Variants in IRAG2 observed in about 807,000 individuals in gnomAD.
IRAG2 encodes the protein lymphoid restricted membrane protein.
A neutral mutation model predicts 69.9 loss-of-function variants in IRAG2; 45 were observed. The observed-to-expected ratio is 0.64, with a 90% CI of 0.51 to 0.83. The LOEUF (loss-of-function observed/expected upper bound fraction) is 0.83. Among genes scored for constraint, IRAG2 ranks in the 40% least tolerant of loss-of-function variants. The probability of loss-of-function intolerance (pLI) is 0.00; values close to 1 mark genes in which losing one functional copy is unlikely to be tolerated. For missense variants in IRAG2, 520 were observed against 587.0 expected (o/e 0.89, Z 1.18); for synonymous variants, 193 against 202.4 (o/e 0.95, Z 0.40).
intron 6 of IRAG2, among the ~76,000 whole-genome samples, chr12:25,074,858 G>A (rs892994734): frequency 3.9e-5 from 6 of 152,098 alleles, no homozygotes; most frequent in African/African-American, 7.2e-5. Flanking sequence ...ACTGGGAGGC[G>A]GTGATTTATT....
chr12:25,037,953 G>T, intron 15 of IRAG2: 1 of 398,708 alleles, frequency 2.5e-6, no homozygotes, highest in Middle Eastern at 6.3e-4. Flanking sequence ...ACTGGGGTTT[G>T]TTTTGTGACT....
At chr12:25,013,128 A>G (rs942637707) in intron 3 of IRAG2, among the ~76,000 whole-genome samples, 2 of 152,190 alleles carry the variant, frequency 1.3e-5, no homozygotes, top group Non-Finnish European at 2.9e-5. Flanking sequence ...GTAGTAGTGC[A>G]AGTTAGCATA....
rs147316104 is a variant in IRAG2 at position 25,079,674 on chromosome 12, T to C, written c.155T>C (p.Leu52Pro). Residue 52 changes from leucine (L) to proline (P), a missense_variant, in exon 9 of 22, where the codon CTG (leucine) becomes CCG (proline). Leu to Pro is a moderately conservative substitution (Grantham distance 98). Transcript: ENST00000556887. Reference protein sequence around the residue: ...ITSSDPGLEILNMASCDLDRN... With the variant: ...ITSSDPGLEIPNMASCDLDRN... Reference sequence around the variant, plus strand: ...TTGACAGATCCTGGATTAGAAATTCTGAATATGGCTTCTTGTGACCTTGAC... The same window carrying C: ...TTGACAGATCCTGGATTAGAAATTCCGAATATGGCTTCTTGTGACCTTGAC... 3.7e-6 allele frequency: 6 copies of C among 1,612,752 alleles called. No homozygotes were observed. The highest frequency in any genetic ancestry group is 1.3e-5 in the African/African-American group (1 of 74,900).
At chr12:25,072,542 C>T (rs1001887546) in intron 6 of IRAG2, among the ~76,000 whole-genome samples, 23 of 152,254 alleles carry the variant, frequency 1.5e-4, no homozygotes, top group Middle Eastern at 3.4e-3. Flanking sequence ...CCTTAGAAAA[C>T]GCTTTTCTAA....
chr12:25,027,951 G>A (rs1287596381), intron 9 of IRAG2, among the ~76,000 whole-genome samples: 6 of 151,646 alleles, frequency 4.0e-5, no homozygotes, highest in African/African-American at 1.2e-4. Context: ...TTGAAACAGA[G>A]TTTTGCTCTT....
In IRAG2 at chr12:25,108,078, A is replaced by G; in HGVS notation, c.*18A>G. 6.2e-7 allele frequency: 1 copy of G among 1,605,404 alleles called. No individual in the cohort carries two copies. Among genetic ancestry groups the G allele is most frequent in the Non-Finnish European group, 8.5e-7 (1 of 1,173,930 alleles). On this transcript the variant is annotated 3_prime_UTR_variant, in exon 22 of 22. Transcript: ENST00000556887. ...CAGTGTGACAGCAGGACATCCTAAT[A>G]TATGGATCTTGATTTTTAAGTTTCA...
chr12:25,053,371 T>C (rs1261622105), intron 1 of IRAG2, among the ~76,000 whole-genome samples: 1 of 151,974 alleles, frequency 6.6e-6, no homozygotes, highest in African/African-American at 2.4e-5. Context: ...GCTCGTCTAT[T>C]TTCTTTGGAA....
intron 5 of IRAG2, among the ~76,000 whole-genome samples, chr12:25,066,856 G>A (rs1055909290): frequency 1.3e-5 from 2 of 151,848 alleles, no homozygotes; most frequent in Non-Finnish European, 2.9e-5. Flanking sequence ...TGCCACGTTG[G>A]CCAGGCTGGT....
chr12:25,031,384 T>C (rs1257437249), intron 10 of IRAG2, among the ~76,000 whole-genome samples: 2 of 152,188 alleles, frequency 1.3e-5, no homozygotes, highest in Non-Finnish European at 2.9e-5. Flanking sequence ...AGGATAAAAT[T>C]AGAGATCAGG....
intron 7 of IRAG2, among the ~76,000 whole-genome samples, chr12:25,021,592 G>C (rs758853975): frequency 6.6e-5 from 10 of 152,160 alleles, no homozygotes; most frequent in Non-Finnish European, 1.5e-4. Flanking sequence ...CCAGAGAAGT[G>C]ATCATTTTTA....
upstream of IRAG2, among the ~76,000 whole-genome samples, chr12:25,050,917 C>G (rs1944854330): frequency 6.6e-6 from 1 of 152,054 alleles, no homozygotes; most frequent in Non-Finnish European, 1.5e-5. Flanking sequence ...TCTGAGGTAT[C>G]TAAAATAGTT....
intron 4 of IRAG2, among the ~76,000 whole-genome samples, chr12:25,065,309 G>A (rs2139997060): frequency 6.6e-6 from 1 of 152,244 alleles, no homozygotes; most frequent in Admixed American, 6.5e-5. Flanking sequence ...GGCTCAGAGT[G>A]GCTTAGTTAT....
chr12:25,045,865 AAAG>A (rs562133480), intron 16 of IRAG2, among the ~76,000 whole-genome samples: 2,193 of 125,216 alleles, frequency 0.018, 28 homozygotes, highest in Middle Eastern at 0.051. Context: ...AAAAAAAAAA[AAAG>A]GAAAGGAAAA....
At chr12:25,028,462 T>G (rs1326131422) in intron 9 of IRAG2, among the ~76,000 whole-genome samples, 1 of 152,208 alleles carries the variant, frequency 6.6e-6, no homozygotes, top group African/African-American at 2.4e-5. Flanking sequence ...TATTTTTTTG[T>G]AGTTTACCAA....
chr12:25,013,703 G>C (rs572166069), intron 3 of IRAG2, among the ~76,000 whole-genome samples: 2 of 151,896 alleles, frequency 1.3e-5, no homozygotes, highest in African/African-American at 4.8e-5. Flanking sequence ...TTTGATAAGA[G>C]AAATTAATAT....
In IRAG2 at chr12:25,077,187, T is replaced by C. The variant is rs11608505; in HGVS notation, c.25-2057T>C. On this transcript the variant is annotated intron_variant, in intron 6 of 21. Coordinates refer to ENST00000556887, the MANE Select transcript of IRAG2 (RefSeq NM_001366544.2). ...CCTTGTTCATTTCATATATATATGA[T>C]ATATATATGAAATATATATATGATA... 1.4e-3 allele frequency among the ~76,000 whole-genome samples: 89 copies of C among 63,204 alleles called. 2 individuals are homozygous for C. The highest frequency in any genetic ancestry group is 8.5e-3 in the Middle Eastern group (1 of 118). The allele number at this position is 63,204 out of a possible 152,430, so 41.5% of individuals were successfully genotyped here. A position where few individuals can be genotyped will look rare whatever the true frequency, so the allele number is the denominator to read the frequency against.
chr12:25,003,024 G>A (rs1359535206), upstream of IRAG2, among the ~76,000 whole-genome samples: 2 of 152,152 alleles, frequency 1.3e-5, no homozygotes, highest in African/African-American at 2.4e-5. Context: ...TACCTTAAGT[G>A]GTAAAGGATT....
At chr12:25,071,570 T>C (rs1279941021) in intron 6 of IRAG2, among the ~76,000 whole-genome samples, 2 of 152,184 alleles carry the variant, frequency 1.3e-5, no homozygotes, top group Non-Finnish European at 2.9e-5. Context: ...CCACATGCCA[T>C]GTGATTAATC....
In IRAG2 at chr12:25,106,923, A is replaced by AAAAC. The variant is rs765284180; in HGVS notation, c.1149-17_1149-14dup. 7.8e-7 allele frequency: 1 copy of AAAAC among 1,281,926 alleles called. No homozygotes were observed. Among genetic ancestry groups the AAAAC allele is most frequent in the South Asian group, 1.4e-5 (1 of 72,090 alleles). The allele number at this position is 1,281,926 out of a possible 1,614,324, so 79.4% of individuals were successfully genotyped here. A position where few individuals can be genotyped will look rare whatever the true frequency, so the allele number is the denominator to read the frequency against. On this transcript the variant is annotated intron_variant, in intron 20 of 21. Coordinates refer to ENST00000556887, the MANE Select transcript of IRAG2 (RefSeq NM_001366544.2). ...ATATTATCCTTAGTTTCAAATATTA[A>AAAAC]AAACAACATTTATTTACAGAACTAA...
Sources: gnomAD v4.1 joint callset for allele counts (sites outside exome capture counted in the v4.1 genomes callset) on GRCh38, gnomAD v4.1.1 for gene constraint, MANE v1.5 for transcripts, NCBI Gene and HGNC (gene_info 2026-07-23, HGNC 2026-07-21) for gene names.